CACNA1F: variants seen among roughly 807,000 people sequenced by gnomAD.
The protein encoded by CACNA1F is calcium voltage-gated channel subunit alpha1 F, also known as voltage-dependent L-type calcium channel subunit alpha-1F.
A neutral mutation model predicts 143.8 loss-of-function variants in CACNA1F; 59 were observed. That is an observed-to-expected ratio of 0.41 (90% confidence interval 0.33 to 0.51). The LOEUF is 0.51. Among genes scored for constraint, CACNA1F ranks in the 20% least tolerant of loss-of-function variants. CACNA1F has a pLI of 0.22. For missense variants in CACNA1F, 1,411 were observed against 1,647.5 expected (o/e 0.86, Z 2.48); for synonymous variants, 643 against 649.1 (o/e 0.99, Z 0.14).
intron 6 of CACNA1F, among the ~76,000 whole-genome samples, chrX:49,229,412 C>A (rs782624545): frequency 1.7e-4 from 19 of 112,473 alleles, no homozygotes; most frequent in African/African-American, 6.1e-4. Flanking sequence ...CTGCCTCGGC[C>A]TCCCAAAGTG....
chrX:49,224,935 T>G lies in CACNA1F; in HGVS notation c.1703A>C (p.Lys568Thr). 1 of 1,206,472 alleles carries G rather than the reference T, an allele frequency of 8.3e-7. No individual in the cohort carries two copies. ...LCLFTVEMLL[K>T]LYGLGPSAYV... ...GGCAGAGGGGCCCAGACCGTACAAT[T>G]TGAGAAGCATCTCCACCGTGAACAG... The change falls in exon 14 of 48, where the codon AAA becomes ACA. Residue 568 changes from lysine to threonine, a missense_variant. By Grantham distance (78) the Lys-to-Thr change is moderately conservative. Coordinates refer to ENST00000323022, the MANE Select transcript of CACNA1F (RefSeq NM_001256789.3).
Position 49,219,621 on chromosome X carries a change from T to A in CACNA1F, c.2543+13A>T. On this transcript the variant is annotated intron_variant, in intron 20 of 47. Transcript: ENST00000323022. ...CCCCTCCTGCCTCACCCCCTGCCAC[T>A]TCCGGCACTCACGGGTTGGTTTGGC... is the stretch of plus-strand genomic sequence containing the variant. The A allele has an allele frequency of 8.3e-7, 1 of 1,198,334 alleles. No homozygotes were observed. The highest frequency in any genetic ancestry group is 1.1e-6 in the Non-Finnish European group (1 of 888,656).
intron 17 of CACNA1F, among the ~76,000 whole-genome samples, chrX:49,222,016 C>T (rs1271321316): frequency 5.5e-5 from 6 of 108,773 alleles, no homozygotes; most frequent in East Asian, 2.9e-4. Context: ...AGAACATTAG[C>T]GCCCCAGAAG....
intron 34 of CACNA1F, 100 bp from the exon 35 acceptor site, chrX:49,212,089 G>A (rs972978797): frequency 2.1e-5 from 17 of 806,926 alleles, no homozygotes; most frequent in Non-Finnish European, 3.0e-5. Context: ...GACAAACAGG[G>A]CATCACTGCT....
chrX:49,216,352 C>T, intron 27 of CACNA1F, 30 bp downstream of exon 27: 1 of 1,204,974 alleles, frequency 8.3e-7, no homozygotes, highest in Non-Finnish European at 1.1e-6. Context: ...CTGCCTCATC[C>T]CCTGATAAAC....
At position 49,230,253 on chromosome X, in the gene CACNA1F, G is replaced by C; in HGVS notation, c.784C>G (p.Arg262Gly). ...AIIGLELFLG[R>G]MHKTCYFLGS... is the part of the protein sequence containing the mutation. ...AGGAAGTAGCACGTCTTGTGCATTC[G>C]TCCAAGGAACAGCTCGAGCCCAATG... is the stretch of plus-strand genomic sequence containing the variant. The change falls in exon 6 of 48, where the codon CGA (arginine) becomes GGA (glycine). Residue 262 changes from arginine to glycine, a missense_variant. Physicochemically the swap from Arg to Gly is moderately radical, Grantham distance 125. Around this residue, in one of 3 missense-constraint regions of CACNA1F, gnomAD observed 950 missense variants for 1,128.1 expected, o/e 0.84. Transcript: ENST00000323022. 1 of 1,206,974 alleles carries C rather than the reference G, an allele frequency of 8.3e-7. No homozygotes were observed. The highest frequency in any genetic ancestry group is 1.1e-6 in the Non-Finnish European group (1 of 892,723).
chrX:49,231,567 T>A, intron 2 of CACNA1F, 111 bp downstream of exon 2: 1 of 1,030,053 alleles, frequency 9.7e-7, no homozygotes, highest in Non-Finnish European at 1.4e-6. Flanking sequence ...AGTTCTTGAC[T>A]CTTGACCTTG....
Position 49,231,912 on chromosome X carries a change from G to A in CACNA1F, c.41C>T (p.Pro14Leu), listed in dbSNP as rs6520408. ...AGGGCCTGCCCCATTGGCTGGACTG[G>A]GCTCTGGGGTGGTGTCTATATGGAG... ...SEGGKDTTPEPSPANGAGPGP... is the reference protein window; with the variant it reads ...SEGGKDTTPELSPANGAGPGP... Residue 14 changes from proline to leucine, a missense_variant, in exon 2 of 48, where the codon CCC (proline) becomes CTC (leucine). Physicochemically the swap from Pro to Leu is moderately conservative, Grantham distance 98. This residue lies in a region of CACNA1F where 950 missense variants were observed against 1,128.1 expected (regional missense o/e 0.84). Transcript: ENST00000323022. The A allele has an allele frequency of 9.9e-3, 11,686 of 1,175,821 alleles. 699 individuals carry two copies. In the African/African-American group the frequency reaches 0.17, roughly 17 times the overall value.
In CACNA1F at chrX:49,228,059, G is replaced by C; in HGVS notation, c.1095C>G (p.Asn365Lys). 8.3e-7 allele frequency: 1 copy of C among 1,209,845 alleles called. No individual in the cohort carries two copies. The change falls in exon 8 of 48, where the codon AAC becomes AAG. Residue 365 changes from asparagine (N) to lysine (K), a missense_variant. Transcript: ENST00000323022. ...ACCCACTCAGGACGCCAAGCACAAG[G>C]TTGAGGACGAAGAAGGACCCAAAGA... ...LVIFGSFFVLNLVLGVLSGEF... is the reference protein window; with the variant it reads ...LVIFGSFFVLKLVLGVLSGEF...
intron 2 of CACNA1F, 104 bp from the exon 3 acceptor site, chrX:49,231,411 G>A: frequency 1.5e-6 from 1 of 668,015 alleles, no homozygotes; most frequent in Non-Finnish European, 2.4e-6. Context: ...CAAGGTGACA[G>A]GTCCTGGCAT....
intron 41 of CACNA1F, 87 bp from the exon 42 acceptor site, chrX:49,209,480 G>A (rs1477860912): frequency 8.8e-7 from 1 of 1,133,262 alleles, no homozygotes; most frequent in African/African-American, 1.8e-5. Context: ...GGTGGGGGAA[G>A]GAGTCCTTCA....
intron 43 of CACNA1F, 46 bp from the exon 44 acceptor site, chrX:49,207,158 T>C: frequency 3.8e-6 from 3 of 779,846 alleles, no homozygotes; most frequent in Non-Finnish European, 3.8e-6. Flanking sequence ...CCTCAATATG[T>C]GGCCCTGGAC....
intron 41 of CACNA1F, 66 bp downstream of exon 41, chrX:49,209,563 T>A (rs2065634034): frequency 8.4e-6 from 10 of 1,188,246 alleles, no homozygotes. Flanking sequence ...AAGATCAAAA[T>A]GGGGGTCAGC....
At chrX:49,225,275 G>A (rs782254069) in intron 13 of CACNA1F, among the ~76,000 whole-genome samples, 17 of 110,735 alleles carry the variant, frequency 1.5e-4, no homozygotes, top group African/African-American at 4.6e-4. Flanking sequence ...GGGTTTCTTC[G>A]GGACTGGGGC....
rs2065582966 is a variant in CACNA1F at position 49,205,340 on chromosome X, A to C, written c.5698T>G (p.Phe1900Val). The change falls in exon 48 of 48, where the codon TTT (phenylalanine) becomes GTT (valine). Residue 1900 changes from phenylalanine (F) to valine (V), a missense_variant. This residue lies in a region of CACNA1F where 349 missense variants were observed against 350.2 expected (regional missense o/e 1.00). Coordinates refer to ENST00000323022, the MANE Select transcript of CACNA1F (RefSeq NM_001256789.3). ...GCCACGAAACGTGGGTCTCGAGCAA[A>C]GAGGCCCAGACCCTCTGAGATAAGC... ...AVLISEGLGL[F>V]ARDPRFVALA... is the part of the protein sequence containing the mutation. 8.3e-7 allele frequency: 1 copy of C among 1,202,785 alleles called. No individual in the cohort carries two copies. The highest frequency in any genetic ancestry group is 2.2e-5 in the Admixed American group (1 of 45,366).
intron 42 of CACNA1F, 73 bp from the exon 43 acceptor site, chrX:49,208,757 C>T (rs956353892): frequency 1.1e-6 from 1 of 941,773 alleles, no homozygotes; most frequent in East Asian, 3.1e-5. Context: ...ACATGTCTCC[C>T]CCACAGGTCC....
At chrX:49,223,458 G>A (rs2065792964) in intron 14 of CACNA1F, among the ~76,000 whole-genome samples, 1 of 107,208 alleles carries the variant, frequency 9.3e-6, no homozygotes, top group African/African-American at 3.4e-5. Flanking sequence ...AATTAGCCAG[G>A]CATGGTGGCA....
intron 33 of CACNA1F, 105 bp from the exon 34 acceptor site, chrX:49,212,413 T>G (rs2065666416): frequency 1.4e-6 from 1 of 695,320 alleles, no homozygotes; most frequent in Non-Finnish European, 2.3e-6. Flanking sequence ...TACTGGGAGA[T>G]GCAGTCCATC....
chrX:49,219,513 G>C, intron 20 of CACNA1F, 63 bp from the exon 21 acceptor site: 1 of 1,187,467 alleles, frequency 8.4e-7, no homozygotes, highest in East Asian at 3.1e-5. Context: ...GGGATTCCAA[G>C]GGATACAGTT....
Sources: gnomAD v4.1 joint callset for allele counts (sites outside exome capture counted in the v4.1 genomes callset) on GRCh38, gnomAD v4.1.1 for gene constraint, gnomAD v4.1.1 regional missense constraint, MANE v1.5 for transcripts, NCBI Gene and HGNC (gene_info 2026-07-23, HGNC 2026-07-21) for gene names.